CFAP54: variants seen among roughly 807,000 people sequenced by gnomAD.
The protein encoded by CFAP54 is cilia- and flagella-associated protein 54.
Under a neutral mutation model 370.4 loss-of-function variants are expected in CFAP54, and 290 were observed. That is an observed-to-expected ratio of 0.78 (90% confidence interval 0.71 to 0.86). The LOEUF is 0.86. CFAP54 is among the 40% of genes least tolerant of loss of function. The pLI is 0.00. For missense variants in CFAP54, 3,399 were observed against 3,528.7 expected (o/e 0.96, Z 0.93); for synonymous variants, 1,206 against 1,236.5 (o/e 0.98, Z 0.52).
At chr12:96,796,702 G>A (rs1181042198) in intron 63 of CFAP54, among the ~76,000 whole-genome samples, 1 of 152,094 alleles carries the variant, frequency 6.6e-6, no homozygotes, top group Non-Finnish European at 1.5e-5. Flanking sequence ...TCAATTTTAA[G>A]TTGCTGTTCT....
Position 96,691,077 on chromosome 12 carries a change from A to G in CFAP54, c.6082-51A>G, listed in dbSNP as rs151338314. ...ATGTATTTATCTTTTTTGTTTCATT[A>G]TTGAAAATGCTATCTATAGCTCTTT... On this transcript the variant is annotated intron_variant, in intron 43 of 67. Coordinates refer to ENST00000524981, the MANE Select transcript of CFAP54 (RefSeq NM_001306084.2). 1.7e-4 allele frequency: 261 copies of G among 1,516,414 alleles called. No homozygotes were observed. The African/African-American group carries it at 3.4e-3, about 20-fold the overall frequency. The allele number at this position is 1,516,414 out of a possible 1,614,324, so 93.9% of individuals were successfully genotyped here.
rs140611411 is a variant in CFAP54, at chr12:96,656,028, A to G, written c.5101-1854A>G. Among the ~76,000 whole-genome samples the G allele has an allele frequency of 4.2e-3, 634 of 152,268 alleles. 5 individuals are homozygous for G. Among genetic ancestry groups the G allele is most frequent in the African/African-American group, 0.015 (605 of 41,546 alleles). ...GGAAGTGAGTATGTCCTAAGAGTTG[A>G]TAATTATTGCAGCTGGTGGTGGGTA... On this transcript the variant is annotated intron_variant, in intron 36 of 67. Transcript: ENST00000524981.
chr12:96,527,008 A>G (rs1251985254), intron 8 of CFAP54, among the ~76,000 whole-genome samples: 2 of 140,654 alleles, frequency 1.4e-5, no homozygotes, highest in Non-Finnish European at 3.0e-5. Context: ...TGATCCTCCC[A>G]CCTCAGCCTC....
At chr12:96,532,662 C>T (rs1955452535) in intron 9 of CFAP54, among the ~76,000 whole-genome samples, 1 of 152,062 alleles carries the variant, frequency 6.6e-6, no homozygotes, top group South Asian at 2.1e-4. Flanking sequence ...ACTCTGTCAC[C>T]CAGGCTGGAG....
rs1426520176 is a variant in CFAP54 at position 96,501,136 on chromosome 12, G to A, written c.423+197G>A. On this transcript the variant is annotated intron_variant, in intron 2 of 67. Coordinates refer to ENST00000524981, the MANE Select transcript of CFAP54 (RefSeq NM_001306084.2). ...TTAATTTTGTAGTTGAGATTTCCCAGAGGTGAGACATTCCTGAACAGCCAG... is the reference window on the plus strand; with the variant it reads ...TTAATTTTGTAGTTGAGATTTCCCAAAGGTGAGACATTCCTGAACAGCCAG... 1.1e-5 allele frequency: 5 copies of A among 447,894 alleles called. No homozygotes were observed. The East Asian group carries it at 1.6e-4, about 14-fold the overall frequency. 27.7% of individuals were successfully genotyped at this position (447,894 alleles called of 1,614,324 possible). A position where few individuals can be genotyped will look rare whatever the true frequency, so the allele number is the denominator to read the frequency against.
In CFAP54 at chr12:96,580,619, G is replaced by T; in HGVS notation, c.2819G>T (p.Gly940Val). The part of the protein sequence containing the change: ...EVKVSWYCIL[G>V]CKAEGSYGKV... ...CAGGTCTCCTGGTACTGCATTTTGG[G>T]TTGCAAAGCAGAAGGAAGTTATGGA... The change falls in exon 21 of 68, where the codon GGT (glycine) becomes GTT (valine). Residue 940 changes from glycine to valine, a missense_variant. By Grantham distance (109) the Gly-to-Val change is moderately radical (BLOSUM62 -3). Coordinates refer to ENST00000524981, the MANE Select transcript of CFAP54 (RefSeq NM_001306084.2). The T allele has an allele frequency of 6.6e-7, 1 of 1,523,450 alleles. No individual in the cohort carries two copies. The highest frequency in any genetic ancestry group is 8.8e-7 in the Non-Finnish European group (1 of 1,140,562). 94.4% of individuals were successfully genotyped at this position (1,523,450 alleles called of 1,614,324 possible). A position where few individuals can be genotyped will look rare whatever the true frequency, so the allele number is the denominator to read the frequency against.
chr12:96,729,005 C>T (rs1019768569), intron 50 of CFAP54, among the ~76,000 whole-genome samples: 10 of 152,146 alleles, frequency 6.6e-5, no homozygotes, highest in African/African-American at 2.2e-4. Flanking sequence ...TTTCATGAAC[C>T]GCGAATGCTG....
rs1955493741 is a variant in CFAP54, at chr12:96,535,597, C to G, written c.1788C>G (p.Pro596=). The change falls in exon 12 of 68, where the codon CCC becomes CCG. Residue 596 remains proline (P), a synonymous_variant. Coordinates refer to ENST00000524981, the MANE Select transcript of CFAP54 (RefSeq NM_001306084.2). ...TGTATGTCTGTGTCTGCACTGCTCC[C>G]CAGGTGAAATAGCTATTTTAAATAA... ...ATLYVCVCTA[P]QDVQPDKEIV... 3.3e-6 allele frequency: 5 copies of G among 1,529,510 alleles called. No homozygotes were observed. The highest frequency in any genetic ancestry group is 4.4e-6 in the Non-Finnish European group (5 of 1,142,088). 94.7% of individuals were successfully genotyped at this position (1,529,510 alleles called of 1,614,324 possible).
chr12:96,653,456 G>A (rs982539171), intron 36 of CFAP54, among the ~76,000 whole-genome samples: 8 of 151,996 alleles, frequency 5.3e-5, no homozygotes, highest in African/African-American at 1.2e-4. Context: ...AATTATAAAC[G>A]GTTTGCCATA....
chr12:96,817,102 T>G (rs1192241346), intron 64 of CFAP54, among the ~76,000 whole-genome samples: 1 of 152,232 alleles, frequency 6.6e-6, no homozygotes, highest in African/African-American at 2.4e-5. Flanking sequence ...AGCATGGCAT[T>G]AAGACTTCCA....
intron 25 of CFAP54, among the ~76,000 whole-genome samples, chr12:96,597,506 A>C (rs1956192405): frequency 6.6e-6 from 1 of 152,042 alleles, no homozygotes; most frequent in South Asian, 2.1e-4. Flanking sequence ...GGTGACAAAG[A>C]GAAGTAACAG....
At position 96,554,706 on chromosome 12, in the gene CFAP54, A is replaced by ACT. The variant is rs1413101499; in HGVS notation, c.2314_2315insCT (p.Lys772ThrfsTer10). 2 of 1,534,500 alleles carry ACT rather than the reference A, an allele frequency of 1.3e-6. No homozygotes were observed. The highest frequency in any genetic ancestry group is 2.0e-5 in the Admixed American group (1 of 50,908). ...CCACCATATAGATGGAGATACTTACAAACCACTTGCCTCAAATAGTTTCAT... is the reference window on the plus strand; with the variant it reads ...CCACCATATAGATGGAGATACTTACACTAACCACTTGCCTCAAATAGTTTCAT... On this transcript the variant is annotated frameshift_variant, in exon 17 of 68. Coordinates refer to ENST00000524981, the MANE Select transcript of CFAP54 (RefSeq NM_001306084.2). LOFTEE classifies it high-confidence loss of function.
chr12:96,770,396 G>GCA (rs1257623935), intron 60 of CFAP54, among the ~76,000 whole-genome samples: 1 of 152,124 alleles, frequency 6.6e-6, no homozygotes, highest in Admixed American at 6.5e-5. Flanking sequence ...TAAGAGGAGA[G>GCA]CACACACCCT....
At chr12:96,569,023 G>T (rs1478195133) in intron 19 of CFAP54, among the ~76,000 whole-genome samples, 1 of 151,754 alleles carries the variant, frequency 6.6e-6, no homozygotes, top group East Asian at 1.9e-4. Flanking sequence ...TTAAAGGATT[G>T]CACCTAGGAT....
chr12:96,857,175 G>A (rs566415520), intron 66 of CFAP54, among the ~76,000 whole-genome samples: 11 of 152,220 alleles, frequency 7.2e-5, no homozygotes, highest in East Asian at 1.9e-4. Flanking sequence ...GGTCCCTCCC[G>A]TGACACATGG....
chr12:96,508,035 G>A (rs930335853), intron 4 of CFAP54, among the ~76,000 whole-genome samples: 3 of 151,848 alleles, frequency 2.0e-5, no homozygotes, highest in Non-Finnish European at 4.4e-5. Flanking sequence ...AGGCCCAGTG[G>A]TTGAGCCCTG....
chr12:96,695,445 G>T (rs958691320), intron 45 of CFAP54, among the ~76,000 whole-genome samples: 1 of 152,130 alleles, frequency 6.6e-6, no homozygotes, highest in Non-Finnish European at 1.5e-5. Context: ...TTTAACCTGG[G>T]AATAAATAAT....
chr12:96,673,471 G>A (rs548588564), intron 39 of CFAP54, among the ~76,000 whole-genome samples: 1 of 152,264 alleles, frequency 6.6e-6, no homozygotes, highest in Admixed American at 6.5e-5. Flanking sequence ...TTAATTATAG[G>A]TTTTACATGG....
chr12:96,860,785 T>G (rs757469843), intron 66 of CFAP54, 34 bp from the exon 67 acceptor site: 26 of 1,495,196 alleles, frequency 1.7e-5, no homozygotes, highest in Non-Finnish European at 2.1e-5. Flanking sequence ...TTTGAAACAA[T>G]GCATTTCATG....
Sources: allele counts gnomAD v4.1 joint callset (sites outside exome capture counted in the v4.1 genomes callset), GRCh38; gene constraint gnomAD v4.1.1; transcripts MANE v1.5; gene names NCBI Gene and HGNC (gene_info 2026-07-23, HGNC 2026-07-21).